Variants in C1orf105 observed in about 807,000 individuals in gnomAD.
C1orf105 encodes chromosome 1 open reading frame 105.
Under a neutral mutation model 20.8 loss-of-function variants are expected in C1orf105, and 17 were observed. The ratio of observed to expected loss-of-function variants is 0.82; its 90% confidence interval spans 0.56 to 1.23. The LOEUF is 1.23. C1orf105 is among the 50% of genes most tolerant of loss of function. The pLI, the probability that C1orf105 is intolerant of heterozygous loss-of-function variation, is 0.00. For missense variants in C1orf105, 219 were observed against 213.5 expected (o/e 1.03, Z -0.16); for synonymous variants, 72 against 72.1 (o/e 1.00, Z 0.01).
At position 172,468,671 on chromosome 1, in the gene C1orf105, TCTC is replaced by T. The variant is rs1650245153; in HGVS notation, c.*81_*83del. 1.0e-5 allele frequency: 15 copies of T among 1,448,054 alleles called. No homozygotes were observed. Among genetic ancestry groups the T allele is most frequent in the South Asian group, 1.4e-5 (1 of 72,824 alleles). 89.7% of individuals were successfully genotyped at this position (1,448,054 alleles called of 1,614,324 possible). ...AAGCCAATCTTTGACACTGGCACCT[TCTC>T]CTCACAATTTTCTCTCTTCTCCCAA... On this transcript the variant is annotated 3_prime_UTR_variant, in exon 7 of 7. Coordinates refer to ENST00000367727, the MANE Select transcript of C1orf105 (RefSeq NM_139240.4).
intron 1 of C1orf105, among the ~76,000 whole-genome samples, chr1:172,428,583 G>A (rs2071782897): frequency 6.6e-6 from 1 of 152,136 alleles, no homozygotes; most frequent in Non-Finnish European, 1.5e-5. Context: ...CTCTTCCCCA[G>A]GGAATCTGAA....
At chr1:172,437,728 TATAATAATAATA>T (rs71111014) in intron 1 of C1orf105, among the ~76,000 whole-genome samples, 9 of 144,030 alleles carry the variant, frequency 6.2e-5, no homozygotes, top group Non-Finnish European at 1.1e-4. Flanking sequence ...GAACTTAAAG[TATAATAATAATA>T]ATAATAATAA....
chr1:172,456,897 G>A (rs916804223), intron 4 of C1orf105, among the ~76,000 whole-genome samples: 3 of 152,172 alleles, frequency 2.0e-5, no homozygotes, highest in Admixed American at 2.0e-4. Flanking sequence ...TGGGTTTACT[G>A]TTAATTTAGG....
Position 172,444,200 on chromosome 1 carries a change from G to T in C1orf105, c.22-873G>T, listed in dbSNP as rs947566183. 29 of 986,096 alleles carry T rather than the reference G, an allele frequency of 2.9e-5. No homozygotes were observed. The Middle Eastern group carries it at 1.6e-3, about 53-fold the overall frequency. 61.1% of individuals were successfully genotyped at this position (986,096 alleles called of 1,614,324 possible). On this transcript the variant is annotated intron_variant, in intron 1 of 6. Transcript: ENST00000367727. Reference sequence around the variant, plus strand: ...CTCCGGTCTCCTCTCCTGGAGACTGGCCCAAACCCGAATGCTCTGAGCCTA... The same window carrying T: ...CTCCGGTCTCCTCTCCTGGAGACTGTCCCAAACCCGAATGCTCTGAGCCTA...
chr1:172,464,281 C>T (rs1408095455), intron 5 of C1orf105, among the ~76,000 whole-genome samples: 1 of 152,206 alleles, frequency 6.6e-6, no homozygotes, highest in Non-Finnish European at 1.5e-5. Context: ...TTTGCTTTCT[C>T]TTTTTCTCAA....
chr1:172,445,165 T>G lies in C1orf105; in HGVS notation c.107+7T>G. ...TGCTCAGCCTTCCCAGAAGGTAACC[T>G]CTCAGCCACCGAGGGCAAAAGTTTT... On this transcript the variant is annotated splice_region_variant and intron_variant, in intron 2 of 6. Transcript: ENST00000367727. 1 of 1,606,240 alleles carries G rather than the reference T, an allele frequency of 6.2e-7. No homozygotes were observed. The highest frequency in any genetic ancestry group is 8.5e-7 in the Non-Finnish European group (1 of 1,175,958).
intron 3 of C1orf105, among the ~76,000 whole-genome samples, chr1:172,453,462 G>A (rs995292429): frequency 6.6e-6 from 1 of 152,162 alleles, no homozygotes; most frequent in Non-Finnish European, 1.5e-5. Context: ...GTTCTGTAAC[G>A]TTTCCCTGAA....
At chr1:172,421,383 T>C (rs1260864289) in intron 1 of C1orf105, among the ~76,000 whole-genome samples, 3 of 152,168 alleles carry the variant, frequency 2.0e-5, no homozygotes, top group East Asian at 3.9e-4. Flanking sequence ...ATAAATCACA[T>C]TGAGCTTATG....
intron 6 of C1orf105, among the ~76,000 whole-genome samples, chr1:172,465,899 G>A (rs903737893): frequency 6.6e-6 from 1 of 152,210 alleles, no homozygotes; most frequent in African/African-American, 2.4e-5. Flanking sequence ...CTCAGCTTTA[G>A]TTAAGGCAAC....
intron 1 of C1orf105, among the ~76,000 whole-genome samples, chr1:172,434,820 TGAA>T (rs2071985390): frequency 6.6e-6 from 1 of 152,168 alleles, no homozygotes; most frequent in Admixed American, 6.5e-5. Context: ...GCTGGTTTTT[TGAA>T]AAGATCAACA....
chr1:172,443,078 A>C (rs1245373241), intron 1 of C1orf105: 8 of 170,308 alleles, frequency 4.7e-5, no homozygotes, highest in Non-Finnish European at 1.0e-4. Context: ...CTTTCACTTA[A>C]TCCTCACCAC....
Position 172,448,157 on chromosome 1 carries a change from G to A in C1orf105, c.108-284G>A, listed in dbSNP as rs114852371. Among the ~76,000 whole-genome samples the A allele has an allele frequency of 1.9e-3, 286 of 152,264 alleles. 1 individual carries two copies. The highest frequency in any genetic ancestry group is 6.6e-3 in the African/African-American group (275 of 41,534). On this transcript the variant is annotated intron_variant, in intron 2 of 6. Coordinates refer to ENST00000367727, the MANE Select transcript of C1orf105 (RefSeq NM_139240.4). ...AAAGAGGAAACCTGGGATTCATTTC[G>A]CTCATTACACATCTACTGTTGTGAA...
At chr1:172,433,852 G>A (rs2071949273) in intron 1 of C1orf105, among the ~76,000 whole-genome samples, 1 of 152,138 alleles carries the variant, frequency 6.6e-6, no homozygotes, top group Non-Finnish European at 1.5e-5. Context: ...CTGTATTCAG[G>A]AGACCCATCT....
chr1:172,443,939 G>A lies in C1orf105; in HGVS notation c.22-1134G>A, dbSNP rs1362128955. Reference sequence around the variant, plus strand: ...AGCCTTGGGTCTGCGGGAGGCAGCAGAGGAAAAGGAGCCCCGGAAACACTG... The same window carrying A: ...AGCCTTGGGTCTGCGGGAGGCAGCAAAGGAAAAGGAGCCCCGGAAACACTG... On this transcript the variant is annotated intron_variant, in intron 1 of 6. Transcript: ENST00000367727. 3 of 995,948 alleles carry A rather than the reference G, an allele frequency of 3.0e-6. No homozygotes were observed. The African/African-American group carries it at 5.2e-5, about 17-fold the overall frequency. The allele number at this position is 995,948 out of a possible 1,614,324, so 61.7% of individuals were successfully genotyped here.
At position 172,468,717 on chromosome 1, in the gene C1orf105, C is replaced by A. The variant is rs567254685; in HGVS notation, c.*123C>A. 5 of 1,141,714 alleles carry A rather than the reference C, an allele frequency of 4.4e-6. No homozygotes were observed. Among genetic ancestry groups the A allele is most frequent in the African/African-American group, 3.1e-5 (2 of 64,630 alleles). The allele number at this position is 1,141,714 out of a possible 1,614,324, so 70.7% of individuals were successfully genotyped here. A position where few individuals can be genotyped will look rare whatever the true frequency, so the allele number is the denominator to read the frequency against. The stretch of plus-strand genomic sequence containing the variant: ...TCTCCCAAAAGATGATTTAATTTTG[C>A]CTTCCTAAGATTGCTGGTATTCTAG... On this transcript the variant is annotated 3_prime_UTR_variant, in exon 7 of 7. Transcript: ENST00000367727.
intron 6 of C1orf105, chr1:172,465,623 A>G (rs1262717765): frequency 5.0e-6 from 3 of 605,976 alleles, no homozygotes; most frequent in Admixed American, 2.1e-5. Context: ...TCCACAACAT[A>G]TGGCTGAAGA....
In C1orf105 at chr1:172,450,235, C is replaced by G. The variant is rs186148648; in HGVS notation, c.198+1704C>G. On this transcript the variant is annotated intron_variant, in intron 3 of 6. Coordinates refer to ENST00000367727, the MANE Select transcript of C1orf105 (RefSeq NM_139240.4). ...AACACAGGCCCCTCAGCCTCACCCTCACTCTCATCCTGTTAGGGGCTGACC... is the reference window on the plus strand; with the variant it reads ...AACACAGGCCCCTCAGCCTCACCCTGACTCTCATCCTGTTAGGGGCTGACC... 3.8e-4 allele frequency among the ~76,000 whole-genome samples: 58 copies of G among 152,366 alleles called. No homozygotes were observed. The East Asian group carries it at 0.01, about 26-fold the overall frequency.
chr1:172,448,680 A>C, intron 3 of C1orf105, 149 bp downstream of exon 3: 2 of 570,538 alleles, frequency 3.5e-6, no homozygotes, highest in Non-Finnish European at 3.2e-6. Context: ...GAATGGCCCC[A>C]CCCCCCTCAC....
intron 1 of C1orf105, among the ~76,000 whole-genome samples, chr1:172,428,320 T>A (rs1197481582): frequency 2.0e-5 from 3 of 152,220 alleles, no homozygotes; most frequent in Non-Finnish European, 2.9e-5. Context: ...GCAACCAGAA[T>A]GAGCCTTTCA....
Sources: gnomAD v4.1 joint callset for allele counts (sites outside exome capture counted in the v4.1 genomes callset) on GRCh38, gnomAD v4.1.1 for gene constraint, MANE v1.5 for transcripts, NCBI Gene and HGNC (gene_info 2026-07-23, HGNC 2026-07-21) for gene names.